The following PTER variants were observed in gnomAD, a reference collection of about 807,000 sequenced individuals.
PTER encodes phosphotriesterase related, also known as N-acetyltaurine hydrolase.
In PTER, 38 loss-of-function variants were observed where a neutral mutation model predicts 29.6. The ratio of observed to expected loss-of-function variants is 1.28; its 90% CI spans 0.99 to 1.68. The LOEUF (loss-of-function observed/expected upper bound fraction) is 1.68, where lower values mean the gene tolerates loss of function less well. PTER is among the 40% of genes most tolerant of loss of function. PTER has a pLI of 0.00. For synonymous variants in PTER, 172 were observed against 154.5 expected (o/e 1.11, Z -0.84); for missense variants, 482 against 427.8 (o/e 1.13, Z -1.12).
At chr10:16,462,123 T>G (rs900667665) in intron 1 of PTER, among the ~76,000 whole-genome samples, 6 of 152,014 alleles carry the variant, frequency 3.9e-5, no homozygotes, top group South Asian at 2.1e-4. Context: ...GTACCTGGAA[T>G]TACAGGCGCC....
At chr10:16,486,226 A>G in intron 2 of PTER, 126 bp from the exon 3 acceptor site, 1 of 1,138,852 alleles carries the variant, frequency 8.8e-7, no homozygotes, top group Non-Finnish European at 1.2e-6. Flanking sequence ...ATATTAATTG[A>G]TAAATACTGA....
chr10:16,518,207 A>G (rs1836983260), downstream of PTER, among the ~76,000 whole-genome samples: 1 of 152,244 alleles, frequency 6.6e-6, no homozygotes, highest in African/African-American at 2.4e-5. Flanking sequence ...AAGATTTCTC[A>G]TTTGTAACTG....
At chr10:16,450,378 A>G (rs528653572) in intron 1 of PTER, among the ~76,000 whole-genome samples, 1 of 152,292 alleles carries the variant, frequency 6.6e-6, no homozygotes, top group African/African-American at 2.4e-5. Context: ...TGGGTGGAAG[A>G]GGGGATGTTG....
chr10:16,490,457 T>A (rs1301816456), intron 3 of PTER, among the ~76,000 whole-genome samples: 3 of 151,994 alleles, frequency 2.0e-5, no homozygotes, highest in Non-Finnish European at 4.4e-5. Flanking sequence ...GATCTCCTAC[T>A]CAGTTCAAGC....
At chr10:16,514,397 C>T (rs1836915891), downstream of PTER, 11 of 683,768 alleles carry the variant, frequency 1.6e-5, no homozygotes, top group Non-Finnish European at 2.5e-5. Context: ...AGTCAGGTAG[C>T]ATTTGATTTC....
intron 1 of PTER, among the ~76,000 whole-genome samples, chr10:16,471,347 A>T (rs10904745): frequency 0.47 from 72,159 of 152,090 alleles, 18,442 homozygotes; most frequent in African/African-American, 0.66. Context: ...GTGACATTAC[A>T]ATAAGCATCT....
intron 1 of PTER, among the ~76,000 whole-genome samples, chr10:16,483,392 T>C (rs938821544): frequency 2.0e-5 from 3 of 152,230 alleles, no homozygotes; most frequent in Admixed American, 2.0e-4. Context: ...GTTATTTCAT[T>C]ATTCAACCGA....
intron 4 of PTER, among the ~76,000 whole-genome samples, chr10:16,508,139 C>A (rs1319822634): frequency 1.4e-5 from 2 of 147,822 alleles, no homozygotes; most frequent in African/African-American, 2.5e-5. Flanking sequence ...CGCAATCTCA[C>A]CTCACTGCAA....
chr10:16,489,526 A>T (rs1203021526), intron 3 of PTER, among the ~76,000 whole-genome samples: 1 of 145,792 alleles, frequency 6.9e-6, no homozygotes, highest in Non-Finnish European at 1.5e-5. Flanking sequence ...TATGAGTATT[A>T]GGTTGGTTTC....
intron 3 of PTER, among the ~76,000 whole-genome samples, chr10:16,498,221 A>C (rs1836187149): frequency 6.6e-6 from 1 of 152,212 alleles, no homozygotes; most frequent in African/African-American, 2.4e-5. Flanking sequence ...TTTCAGGGGA[A>C]GAAGTGAAAA....
In PTER at chr10:16,478,521, A is replaced by T. The variant is rs570340439; in HGVS notation, c.-48-5816A>T. On this transcript the variant is annotated intron_variant, in intron 1 of 4. Transcript: ENST00000535784. ...ACTAATTTTTGTATTTTTAGTGGAG[A>T]CGGGGTTTTACTATGTTGGCCAGGC... is the stretch of plus-strand genomic sequence containing the variant. Among the ~76,000 whole-genome samples, 3 of 151,960 alleles carry T rather than the reference A, an allele frequency of 2.0e-5. No individual in the cohort carries two copies. In the South Asian group the frequency reaches 6.2e-4, roughly 32 times the overall value.
chr10:16,480,813 A>G (rs902599528), intron 1 of PTER, among the ~76,000 whole-genome samples: 10 of 152,250 alleles, frequency 6.6e-5, no homozygotes, highest in Admixed American at 1.3e-4. Flanking sequence ...ACCGTCCTGC[A>G]CACCAAATCT....
At chr10:16,477,457 G>A (rs1023724922) in intron 1 of PTER, among the ~76,000 whole-genome samples, 15 of 152,084 alleles carry the variant, frequency 9.9e-5, no homozygotes, top group African/African-American at 3.6e-4. Flanking sequence ...GACTACAGGC[G>A]TGAGCTACTG....
chr10:16,454,771 T>G (rs953025039), intron 1 of PTER, among the ~76,000 whole-genome samples: 1 of 151,946 alleles, frequency 6.6e-6, no homozygotes. Flanking sequence ...AATCTACAAT[T>G]ATGTCTAATA....
chr10:16,446,173 A>T (rs1197556162), intron 1 of PTER, among the ~76,000 whole-genome samples: 2 of 151,984 alleles, frequency 1.3e-5, no homozygotes, highest in Non-Finnish European at 2.9e-5. Flanking sequence ...GGGTGGGGAG[A>T]AGGCTCTTAC....
chr10:16,454,689 C>T (rs201188865), intron 1 of PTER, among the ~76,000 whole-genome samples: 2 of 151,670 alleles, frequency 1.3e-5, no homozygotes, highest in Non-Finnish European at 2.9e-5. Context: ...AATGTCAAGA[C>T]ATATAATATA....
At chr10:16,506,850 G>A (rs1251878183) in intron 4 of PTER, among the ~76,000 whole-genome samples, 1 of 152,092 alleles carries the variant, frequency 6.6e-6, no homozygotes, top group Non-Finnish European at 1.5e-5. Context: ...GAGAGATCTT[G>A]ACATGGATGT....
intron 1 of PTER, among the ~76,000 whole-genome samples, chr10:16,461,698 C>T (rs1834619138): frequency 6.6e-6 from 1 of 152,124 alleles, no homozygotes; most frequent in South Asian, 2.1e-4. Flanking sequence ...TAAAGGCGAC[C>T]TCTAGAGCAA....
At chr10:16,503,047 C>A (rs1836416542) in intron 3 of PTER, among the ~76,000 whole-genome samples, 1 of 131,096 alleles carries the variant, frequency 7.6e-6, no homozygotes, top group African/African-American at 2.8e-5. Context: ...GAAGTAGATT[C>A]ATGGACACAT....
Sources: gnomAD v4.1 joint callset for allele counts (sites outside exome capture counted in the v4.1 genomes callset) on GRCh38, gnomAD v4.1.1 for gene constraint, MANE v1.5 for transcripts, NCBI Gene and HGNC (gene_info 2026-07-23, HGNC 2026-07-21) for gene names.